The following LRRC37A3 variants were observed in gnomAD, a reference collection of about 807,000 sequenced individuals.
LRRC37A3 encodes leucine-rich repeat-containing protein 37A3.
A neutral mutation model predicts 106.2 loss-of-function variants in LRRC37A3; 25 were observed. The ratio of observed to expected loss-of-function variants is 0.24; its 90% CI spans 0.17 to 0.33. The LOEUF is 0.33. Ranked by LOEUF, LRRC37A3 falls within the 10% of genes least tolerant of loss-of-function variation. LRRC37A3 has a pLI of 1.00. For missense variants in LRRC37A3, 712 were observed against 1,644.9 expected, an observed-to-expected ratio of 0.43 and a Z score of 9.81; for synonymous variants, 305 against 635.8, an observed-to-expected ratio of 0.48 and a Z score of 7.83.
chr17:64,918,919 G>A (rs1477070906), intron 1 of LRRC37A3, 49 bp from the exon 2 acceptor site: 1 of 752,196 alleles, frequency 1.3e-6, no homozygotes, highest in African/African-American at 1.9e-5. Context: ...CACCTGTAGT[G>A]ACTACACCAC....
At chr17:64,905,143 G>T (rs1304526991) in intron 2 of LRRC37A3, among the ~76,000 whole-genome samples, 113 of 150,312 alleles carry the variant, frequency 7.5e-4, no homozygotes, top group Non-Finnish European at 1.4e-3. Context: ...TTATTTAAAG[G>T]CTCTGTCAGG....
intron 8 of LRRC37A3, among the ~76,000 whole-genome samples, chr17:64,874,228 T>C (rs1324638718): frequency 6.6e-6 from 1 of 152,212 alleles, no homozygotes; most frequent in Non-Finnish European, 1.5e-5. Context: ...TAAAACCCTG[T>C]CTCTACAAAA....
chr17:64,859,834 C>T lies in LRRC37A3; in HGVS notation c.4312G>A (p.Val1438Ile), dbSNP rs1972807829. The change falls in exon 12 of 15, where the codon GTT becomes ATT. Residue 1438 changes from valine to isoleucine, a missense_variant. Coordinates refer to ENST00000584306, the MANE Select transcript of LRRC37A3 (RefSeq NM_199340.5). ...TCCCATTTTGTCTCAGTTTGTTTAA[C>T]AGTTGGCCCTAAGTTGAATGCAGTC... ...AGTAFNLGPT[V>I]KQTETKWEYN... The T allele has an allele frequency of 1.2e-6, 2 of 1,612,294 alleles. No individual in the cohort carries two copies. Among genetic ancestry groups the T allele is most frequent in the Non-Finnish European group, 1.7e-6 (2 of 1,179,808 alleles).
intron 6 of LRRC37A3, among the ~76,000 whole-genome samples, chr17:64,887,285 G>C (rs1210509922): frequency 8.7e-5 from 1 of 11,462 alleles, no homozygotes; most frequent in Admixed American, 1.3e-3. Context: ...GAGGCTGGCA[G>C]ATCCTGAGGT....
intron 9 of LRRC37A3, 102 bp from the exon 10 acceptor site, chr17:64,868,638 G>A: frequency 2.7e-6 from 4 of 1,483,468 alleles, no homozygotes; most frequent in Non-Finnish European, 3.7e-6. Flanking sequence ...CAGCTCAAGA[G>A]TTTATTTGCT....
In LRRC37A3 at chr17:64,868,521, C is replaced by T. The variant is rs1292860223; in HGVS notation, c.2994G>A (p.Thr998=). 1.1e-5 allele frequency: 17 copies of T among 1,610,384 alleles called. No individual in the cohort carries two copies. The highest frequency in any genetic ancestry group is 2.2e-5 in the East Asian group (1 of 44,850). ...PALKYLDMGT[T]LVPLTTLKNI... ...TCTTAAGTGTTGTAAGTGGGACTAG[C>T]GTTGTTCCCATGTCTCTGAAGAAGA... is the stretch of plus-strand genomic sequence containing the variant. Residue 998 remains threonine (T), a synonymous_variant, in exon 10 of 15, where the codon ACG becomes ACA. Coordinates refer to ENST00000584306, the MANE Select transcript of LRRC37A3 (RefSeq NM_199340.5).
chr17:64,918,412 C>G (rs1344007610), intron 2 of LRRC37A3, among the ~76,000 whole-genome samples: 1 of 151,266 alleles, frequency 6.6e-6, no homozygotes, highest in Non-Finnish European at 1.5e-5. Context: ...AGGTTCCCAT[C>G]AATGGTAAAG....
intron 10 of LRRC37A3, among the ~76,000 whole-genome samples, chr17:64,866,630 T>TATA (rs1973117797): frequency 5.8e-4 from 9 of 15,620 alleles, no homozygotes; most frequent in Admixed American, 1.5e-3. Context: ...ATATATATAT[T>TATA]TTTTTTTTTT....
rs546143065 is a variant in LRRC37A3, at chr17:64,877,505, A to T, written c.2907-8339T>A. ...GCATGAGCCACTGCACCCTGCTAAC[A>T]TATCCTCTTTCTAAAAAGCTACATA... On this transcript the variant is annotated intron_variant, in intron 8 of 14. Transcript: ENST00000584306. Among the ~76,000 whole-genome samples the T allele has an allele frequency of 4.9e-3, 739 of 152,276 alleles. 6 individuals are homozygous for T. Among genetic ancestry groups the T allele is most frequent in the African/African-American group, 0.017 (701 of 41,554 alleles).
intron 14 of LRRC37A3, 63 bp from the exon 15 acceptor site, chr17:64,854,707 C>T: frequency 6.2e-7 from 1 of 1,612,154 alleles, no homozygotes; most frequent in Non-Finnish European, 8.5e-7. Flanking sequence ...GCTTCTCACC[C>T]CCTCCTCATT....
At chr17:64,869,343 G>A (rs1359687645) in intron 8 of LRRC37A3, among the ~76,000 whole-genome samples, 177 bp from the exon 9 acceptor site, 2 of 152,026 alleles carry the variant, frequency 1.3e-5, no homozygotes, top group African/African-American at 2.4e-5. Flanking sequence ...GGGAACTACC[G>A]AGGTCTCTAG....
chr17:64,912,401 AT>A (rs1335471212), intron 2 of LRRC37A3, among the ~76,000 whole-genome samples: 12 of 151,840 alleles, frequency 7.9e-5, no homozygotes, highest in Non-Finnish European at 1.6e-4. Context: ...AAAGAAACCT[AT>A]ATGTTTGCAA....
At chr17:64,868,252 G>A (rs1973184753) in intron 10 of LRRC37A3, among the ~76,000 whole-genome samples, 1 of 152,144 alleles carries the variant, frequency 6.6e-6, no homozygotes, top group Non-Finnish European at 1.5e-5. Flanking sequence ...GACAGGAGGG[G>A]CCTTTTTGAG....
intron 10 of LRRC37A3, among the ~76,000 whole-genome samples, chr17:64,866,604 ATATATATATATATATATATATATAT>A (rs1452065761): frequency 3.4e-4 from 6 of 17,456 alleles, no homozygotes; most frequent in South Asian, 2.2e-3. Context: ...ATATATATAT[ATATATATATATATATATATATATAT>A]TTTTTTTTTT....
intron 10 of LRRC37A3, among the ~76,000 whole-genome samples, chr17:64,866,821 A>G (rs1973130688): frequency 7.0e-6 from 1 of 143,128 alleles, no homozygotes; most frequent in Non-Finnish European, 1.5e-5. Flanking sequence ...ATATATATAT[A>G]TATCCTGCAA....
At chr17:64,909,214 G>A (rs1032028356) in intron 2 of LRRC37A3, among the ~76,000 whole-genome samples, 1 of 152,060 alleles carries the variant, frequency 6.6e-6, no homozygotes, top group Non-Finnish European at 1.5e-5. Context: ...TGAAATTCCA[G>A]AAGTTATCTT....
In LRRC37A3 at chr17:64,859,754, T is replaced by C. The variant is rs144536887; in HGVS notation, c.4392A>G (p.Pro1464=). 2 of 1,612,936 alleles carry C rather than the reference T, an allele frequency of 1.2e-6. No homozygotes were observed. Among genetic ancestry groups the C allele is most frequent in the African/African-American group, 1.3e-5 (1 of 74,832 alleles). The change falls in exon 12 of 15, where the codon CCA becomes CCG. Residue 1464 remains proline, a synonymous_variant. Transcript: ENST00000584306. ...LSPEPKSFNY[P]LLSSPGDQFE... The stretch of plus-strand genomic sequence containing the variant: ...ACTGATCACCTGGGGACGAGAGCAA[T>C]GGGTAATTGAAGCTTTTGGGCTCGG...
At chr17:64,914,423 G>A (rs1974659347) in intron 2 of LRRC37A3, among the ~76,000 whole-genome samples, 1 of 148,372 alleles carries the variant, frequency 6.7e-6, no homozygotes, top group Non-Finnish European at 1.5e-5. Context: ...GCTGGGCGTG[G>A]TGGTGGGTGC....
chr17:64,877,159 G>C (rs1973540411), intron 8 of LRRC37A3: 3 of 152,124 alleles, frequency 2.0e-5, no homozygotes. Flanking sequence ...GGCTGAAGCA[G>C]GTGGATCATC....
Sources: gnomAD v4.1 joint callset for allele counts (sites outside exome capture counted in the v4.1 genomes callset) on GRCh38, gnomAD v4.1.1 for gene constraint, MANE v1.5 for transcripts, NCBI Gene and HGNC (gene_info 2026-07-23, HGNC 2026-07-21) for gene names.